The following RAP1GAP variants were observed in gnomAD, a reference collection of about 807,000 sequenced individuals.
RAP1GAP encodes the protein RAP1 GTPase activating protein.
Under a neutral mutation model 87.2 loss-of-function variants are expected in RAP1GAP, and 35 were observed. That is an observed-to-expected ratio of 0.40 (90% CI 0.31 to 0.53). RAP1GAP has a LOEUF of 0.53. Ranked by LOEUF, RAP1GAP falls within the 20% of genes least tolerant of loss-of-function variation. RAP1GAP has a pLI of 0.48. For synonymous variants in RAP1GAP, 375 were observed against 363.9 expected, an observed-to-expected ratio of 1.03 and a Z score of -0.35; for missense variants, 734 against 898.9, an observed-to-expected ratio of 0.82 and a Z score of 2.35.
In RAP1GAP at chr1:21,602,800, C is replaced by T; in HGVS notation, c.1538+4G>A. ...GAATGGGGCACTGTCCCCCACTCAC[C>T]CACCTCTTCTCCTGCACCTCCTGTA... On this transcript the variant is annotated splice_donor_region_variant and intron_variant, in intron 19 of 24. Transcript: ENST00000374765. The T allele has an allele frequency of 6.2e-7, 1 of 1,602,138 alleles. No homozygotes were observed.
Position 21,611,536 on chromosome 1 carries a change from T to A in RAP1GAP, c.759A>T (p.Glu253Asp). Reference protein sequence around the residue: ...LDVTHGQTGTESVYCNFRNKE... With the variant: ...LDVTHGQTGTDSVYCNFRNKE... ...TGTTGCGGAAGTTGCAGTACACAGA[T>A]TCGGTCCCCGTCTGCCCGTGGGTCA... is the stretch of plus-strand genomic sequence containing the variant. The change falls in exon 13 of 25, where the codon GAA (glutamate) becomes GAT (aspartate). Residue 253 changes from glutamate to aspartate, a missense_variant. Physicochemically the swap from Glu to Asp is conservative, Grantham distance 45. Transcript: ENST00000374765. The A allele has an allele frequency of 6.2e-7, 1 of 1,614,202 alleles. No individual in the cohort carries two copies. The highest frequency in any genetic ancestry group is 2.2e-5 in the East Asian group (1 of 44,858).
rs61775977 is a variant in RAP1GAP, at chr1:21,613,806, C to T, written c.396-100G>A. On this transcript the variant is annotated intron_variant, in intron 8 of 24. Transcript: ENST00000374765. The surrounding 1 kb of genome is among the most constrained non-coding windows in gnomAD (Gnocchi z 4.7). ...AAGGCCAGAAGGGGGTGGACCACAG[C>T]GAGGACCAGAGGTGATGATGGGTGT... 1.2e-3 allele frequency: 1,564 copies of T among 1,289,488 alleles called. 5 individuals are homozygous for T. The highest frequency in any genetic ancestry group is 1.6e-3 in the Non-Finnish European group (1,406 of 894,346). 79.9% of individuals were successfully genotyped at this position (1,289,488 alleles called of 1,614,324 possible).
chr1:21,614,216 G>T, intron 7 of RAP1GAP, 127 bp from the exon 8 acceptor site: 1 of 635,944 alleles, frequency 1.6e-6, no homozygotes, highest in Non-Finnish European at 2.8e-6. Flanking sequence ...ACGGCTGATA[G>T]CAGACCCCAC....
intron 1 of RAP1GAP, among the ~76,000 whole-genome samples, chr1:21,652,160 C>T (rs1396454394): frequency 7.5e-6 from 1 of 133,364 alleles, no homozygotes; most frequent in Non-Finnish European, 1.6e-5. Flanking sequence ...GTTGGAGGGA[C>T]GCCCTCCTCC....
chr1:21,663,794 G>A (rs1195300728), intron 1 of RAP1GAP, among the ~76,000 whole-genome samples: 1 of 152,216 alleles, frequency 6.6e-6, no homozygotes, highest in Non-Finnish European at 1.5e-5. Flanking sequence ...GCCTTGAGAA[G>A]GTCACAGCCT....
intron 1 of RAP1GAP, chr1:21,651,583 C>A: frequency 1.4e-6 from 1 of 694,622 alleles, no homozygotes; most frequent in Admixed American, 1.8e-5. Context: ...CACACAGACA[C>A]AGAAACAGAA....
At chr1:21,630,030 C>G (rs1023504038) in intron 2 of RAP1GAP, among the ~76,000 whole-genome samples, 1 of 152,196 alleles carries the variant, frequency 6.6e-6, no homozygotes, top group Non-Finnish European at 1.5e-5. Flanking sequence ...ACAGCTGATA[C>G]AGAGCTTACT....
chr1:21,603,931 C>T lies in RAP1GAP; in HGVS notation c.1429-1018G>A, dbSNP rs749310815. The stretch of plus-strand genomic sequence containing the variant: ...GCAATGACTGGCAAGCAGCAGAGGG[C>T]GGGGGCAGAGAGAGAGAGACAGAGA... On this transcript the variant is annotated intron_variant, in intron 18 of 24. Coordinates refer to ENST00000374765, the MANE Select transcript of RAP1GAP (RefSeq NM_002885.4). This position sits in a 1 kb window ranked among gnomAD's most constrained non-coding sequence, Gnocchi z 6.0. 6.8e-5 allele frequency: 102 copies of T among 1,505,964 alleles called. No individual in the cohort carries two copies. Among genetic ancestry groups the T allele is most frequent in the Middle Eastern group, 1.7e-4 (1 of 5,822 alleles). The allele number at this position is 1,505,964 out of a possible 1,614,324, so 93.3% of individuals were successfully genotyped here. A position where few individuals can be genotyped will look rare whatever the true frequency, so the allele number is the denominator to read the frequency against.
intron 2 of RAP1GAP, among the ~76,000 whole-genome samples, chr1:21,649,195 G>T (rs750736151): frequency 6.6e-6 from 1 of 152,140 alleles, no homozygotes; most frequent in Admixed American, 6.5e-5. Context: ...TGCACATACA[G>T]TTGCCTCGTT....
At chr1:21,662,226 A>G (rs770460285) in intron 1 of RAP1GAP, among the ~76,000 whole-genome samples, 18 of 152,138 alleles carry the variant, frequency 1.2e-4, no homozygotes, top group Non-Finnish European at 2.5e-4. Context: ...TTCCTCACCC[A>G]CAAAATGTGG....
At chr1:21,663,936 TACA>T (rs1176730363) in intron 1 of RAP1GAP, among the ~76,000 whole-genome samples, 8 of 152,138 alleles carry the variant, frequency 5.3e-5, no homozygotes, top group Non-Finnish European at 5.9e-5. Context: ...CCCCCAGAGA[TACA>T]ACAACACACT....
chr1:21,600,747 T>G (rs1301564373), intron 20 of RAP1GAP, among the ~76,000 whole-genome samples: 1 of 151,812 alleles, frequency 6.6e-6, no homozygotes, highest in Non-Finnish European at 1.5e-5. Context: ...TAGATGGGCA[T>G]GGTGGCGGGC....
chr1:21,651,122 T>G (rs904698499), intron 1 of RAP1GAP, among the ~76,000 whole-genome samples: 2 of 152,172 alleles, frequency 1.3e-5, no homozygotes, highest in Admixed American at 6.5e-5. Flanking sequence ...ATCCCACCTC[T>G]GCACCCCTTG....
chr1:21,598,363 A>G (rs775491615), intron 22 of RAP1GAP, 37 bp downstream of exon 22: 2 of 1,549,886 alleles, frequency 1.3e-6, no homozygotes, highest in South Asian at 1.1e-5. Flanking sequence ...ACCCCAAGGT[A>G]GCCCTGCTTT....
chr1:21,656,161 G>C (rs919581936), intron 1 of RAP1GAP, among the ~76,000 whole-genome samples: 2 of 152,140 alleles, frequency 1.3e-5, no homozygotes, highest in Admixed American at 6.5e-5. Context: ...GGCTGGGCGC[G>C]GTGGCTCACG....
intron 2 of RAP1GAP, among the ~76,000 whole-genome samples, chr1:21,630,126 G>A (rs1480474639): frequency 6.6e-6 from 1 of 152,186 alleles, no homozygotes; most frequent in African/African-American, 2.4e-5. Context: ...GAGAGGTTAA[G>A]TAACTTGTCC....
intron 18 of RAP1GAP, among the ~76,000 whole-genome samples, chr1:21,604,241 A>C (rs769394534): frequency 2.0e-5 from 3 of 152,008 alleles, no homozygotes; most frequent in African/African-American, 4.8e-5. Flanking sequence ...AAGGACACAG[A>C]CACAGGCCCA....
At chr1:21,628,052 T>G (rs1367230892) in intron 2 of RAP1GAP, among the ~76,000 whole-genome samples, 1 of 152,164 alleles carries the variant, frequency 6.6e-6, no homozygotes, top group Admixed American at 6.5e-5. Context: ...CAATGAAAAC[T>G]TTCACATCAT....
chr1:21,664,209 G>C (rs1163310344), intron 1 of RAP1GAP, among the ~76,000 whole-genome samples: 1 of 152,152 alleles, frequency 6.6e-6, no homozygotes, highest in Non-Finnish European at 1.5e-5. Flanking sequence ...CCTCTTGCCT[G>C]CCCCTGGGAT....
Sources: allele counts gnomAD v4.1 joint callset (sites outside exome capture counted in the v4.1 genomes callset), GRCh38; gene constraint gnomAD v4.1.1; non-coding constraint Gnocchi (gnomAD v3.1); transcripts MANE v1.5; gene names NCBI Gene and HGNC (gene_info 2026-07-23, HGNC 2026-07-21).